Variants in SLCO1A2 observed in about 807,000 individuals in gnomAD.
SLCO1A2 encodes OATP-1.
SLCO1A2 carries 67 observed loss-of-function variants against 69.0 expected under a neutral mutation model. The observed-to-expected ratio is 0.97, with a 90% CI of 0.80 to 1.19. The LOEUF (loss-of-function observed/expected upper bound fraction) is 1.19, where lower values mean the gene tolerates loss of function less well. SLCO1A2 is among the 50% of genes most tolerant of loss of function. The pLI, the probability that SLCO1A2 is intolerant of heterozygous loss-of-function variation, is 0.00. For synonymous variants in SLCO1A2, 260 were observed against 265.9 expected (o/e 0.98, Z 0.22); for missense variants, 787 against 793.7 (o/e 0.99, Z 0.10).
intron 1 of SLCO1A2, among the ~76,000 whole-genome samples, chr12:21,413,457 G>A (rs751742988): frequency 1.3e-5 from 2 of 151,760 alleles, no homozygotes; most frequent in Non-Finnish European, 2.9e-5. Context: ...GGCCAGGCTG[G>A]TCTCCAACTC....
At chr12:21,329,765 T>G (rs1265566309) in intron 2 of SLCO1A2, among the ~76,000 whole-genome samples, 2 of 151,404 alleles carry the variant, frequency 1.3e-5, no homozygotes, top group Admixed American at 6.6e-5. Context: ...GAAAAAAAAA[T>G]TCTTTAGCAA....
chr12:21,386,253 G>C (rs1940872395), intron 1 of SLCO1A2, among the ~76,000 whole-genome samples: 1 of 151,920 alleles, frequency 6.6e-6, no homozygotes, highest in South Asian at 2.1e-4. Flanking sequence ...GCTTATTTTT[G>C]CTTCAGTTTT....
At chr12:21,330,271 T>C (rs927918567) in intron 2 of SLCO1A2, among the ~76,000 whole-genome samples, 1 of 152,084 alleles carries the variant, frequency 6.6e-6, no homozygotes, top group Non-Finnish European at 1.5e-5. Flanking sequence ...GGCAGACAGA[T>C]CATTTTAGTC....
chr12:21,277,037 C>T (rs1217579261), intron 12 of SLCO1A2, among the ~76,000 whole-genome samples: 3 of 152,234 alleles, frequency 2.0e-5, no homozygotes, highest in Non-Finnish European at 2.9e-5. Context: ...TTGGGAGTCA[C>T]TTCCCTACTG....
Position 21,392,381 on chromosome 12 carries a change from C to A in SLCO1A2, c.-190+2525G>T, listed in dbSNP as rs532130413. 7.2e-5 allele frequency among the ~76,000 whole-genome samples: 11 copies of A among 152,290 alleles called. No homozygotes were observed. The East Asian group carries it at 2.1e-3, about 29-fold the overall frequency. On this transcript the variant is annotated intron_variant, in intron 1 of 15. Transcript: ENST00000307378. ...TCAATTCACCTCCTGGCAGGTGGAT[C>A]CAGCCACAGCCTTTTTGCCTTTTAG...
rs1256450284 is a variant in SLCO1A2 at position 21,267,208 on chromosome 12, G to C, written c.*2340C>G. 2 of 151,920 alleles carry C rather than the reference G, an allele frequency of 1.3e-5. No individual in the cohort carries two copies. Among genetic ancestry groups the C allele is most frequent in the African/African-American group, 4.8e-5 (2 of 41,348 alleles). 9.4% of individuals were successfully genotyped at this position (151,920 alleles called of 1,614,324 possible). A position where few individuals can be genotyped will look rare whatever the true frequency, so the allele number is the denominator to read the frequency against. ...GAACCCTATGTTTTCAGAGTAAAATGCCATCTCCTCCATGAGGGGATAAAA... is the reference window on the plus strand; with the variant it reads ...GAACCCTATGTTTTCAGAGTAAAATCCCATCTCCTCCATGAGGGGATAAAA... On this transcript the variant is annotated 3_prime_UTR_variant, in exon 15 of 15. Coordinates refer to ENST00000683939, the MANE Select transcript of SLCO1A2 (RefSeq NM_001386879.1).
intron 14 of SLCO1A2, among the ~76,000 whole-genome samples, chr12:21,272,625 C>A (rs2136069903): frequency 6.6e-6 from 1 of 151,920 alleles, no homozygotes; most frequent in Middle Eastern, 3.6e-3. Flanking sequence ...TCTGGTAGAT[C>A]TTTTCAAAAC....
intron 2 of SLCO1A2, among the ~76,000 whole-genome samples, chr12:21,368,972 C>G (rs1001382164): frequency 1.3e-5 from 2 of 151,782 alleles, no homozygotes; most frequent in African/African-American, 4.8e-5. Flanking sequence ...AATGTAGAAA[C>G]AGCTAAAATA....
chr12:21,302,837 G>A (rs911687871), intron 6 of SLCO1A2, among the ~76,000 whole-genome samples: 5 of 151,618 alleles, frequency 3.3e-5, no homozygotes, highest in Non-Finnish European at 5.9e-5. Context: ...GATTACAGGC[G>A]CATACCACCA....
At chr12:21,329,851 C>A (rs1952493901) in intron 2 of SLCO1A2, among the ~76,000 whole-genome samples, 1 of 150,764 alleles carries the variant, frequency 6.6e-6, no homozygotes, top group Non-Finnish European at 1.5e-5. Context: ...TCTTAGTAAC[C>A]CAGATTCCCA....
At chr12:21,348,133 G>T (rs1937646819) in intron 2 of SLCO1A2, among the ~76,000 whole-genome samples, 1 of 152,122 alleles carries the variant, frequency 6.6e-6, no homozygotes, top group Non-Finnish European at 1.5e-5. Context: ...TACATAGTAG[G>T]TATATGTTTA....
chr12:21,319,724 T>A, intron 2 of SLCO1A2: 1 of 269,146 alleles, frequency 3.7e-6, no homozygotes, highest in Admixed American at 4.5e-5. Flanking sequence ...TAAATTTCCA[T>A]AGGTTTTATC....
chr12:21,369,468 A>C (rs1591890349), intron 2 of SLCO1A2, among the ~76,000 whole-genome samples: 2 of 152,226 alleles, frequency 1.3e-5, no homozygotes, highest in South Asian at 4.1e-4. Context: ...CTCTGCACTT[A>C]ATAGCTCTTT....
intron 2 of SLCO1A2, among the ~76,000 whole-genome samples, chr12:21,350,593 T>A (rs529375469): frequency 6.6e-6 from 1 of 151,930 alleles, no homozygotes. Context: ...TCCCAGCACT[T>A]TGGGAGGCCG....
At chr12:21,405,263 C>T (rs1238574344) in intron 1 of SLCO1A2, among the ~76,000 whole-genome samples, 1 of 152,010 alleles carries the variant, frequency 6.6e-6, no homozygotes, top group African/African-American at 2.4e-5. Flanking sequence ...GCTTTTGTTG[C>T]AATTTCTTAT....
chr12:21,412,967 T>A lies in SLCO1A2; in HGVS notation c.-312+4915A>T, dbSNP rs75663457. On this transcript the variant is annotated intron_variant, in intron 1 of 4. Transcript: ENST00000413682. The stretch of plus-strand genomic sequence containing the variant: ...TCTCCCCAAATCTGGTACCCAGTTC[T>A]GCCAGATATGTGTAGAATGCCTAGA... Among the ~76,000 whole-genome samples the A allele has an allele frequency of 4.2e-4, 64 of 152,326 alleles. 1 individual carries two copies. In the East Asian group the frequency reaches 0.012, roughly 28 times the overall value.
intron 12 of SLCO1A2, among the ~76,000 whole-genome samples, chr12:21,279,551 C>T (rs899594947): frequency 4.6e-5 from 7 of 151,912 alleles, no homozygotes; most frequent in Non-Finnish European, 7.3e-5. Context: ...AGTGGCATGA[C>T]ATACTTAAAG....
intron 2 of SLCO1A2, among the ~76,000 whole-genome samples, chr12:21,324,002 TG>T (rs1376420196): frequency 5.3e-5 from 8 of 152,176 alleles, no homozygotes; most frequent in African/African-American, 2.4e-5. Context: ...GAGAGAGATT[TG>T]CATCTCTAGT....
chr12:21,378,461 T>A, intron 1 of SLCO1A2: 1 of 1,527,676 alleles, frequency 6.5e-7, no homozygotes, highest in Non-Finnish European at 9.1e-7. Flanking sequence ...TGTTTTATGT[T>A]CTAGTGATTT....
Sources: allele counts gnomAD v4.1 joint callset (sites outside exome capture counted in the v4.1 genomes callset), GRCh38; gene constraint gnomAD v4.1.1; transcripts MANE v1.5; gene names NCBI Gene and HGNC (gene_info 2026-07-23, HGNC 2026-07-21).